The following TANGO2 variants were observed in gnomAD, a reference collection of about 807,000 sequenced individuals.
TANGO2 encodes transport and Golgi organization protein 2 homolog.
In TANGO2, 26 loss-of-function variants were observed where a neutral mutation model predicts 39.1. That is an observed-to-expected ratio of 0.67 (90% confidence interval 0.49 to 0.92). The LOEUF is 0.92. TANGO2 is among the 40% of genes least tolerant of loss of function. The pLI, the probability that TANGO2 is intolerant of heterozygous loss-of-function variation, is 0.00. For missense variants in TANGO2, 326 were observed against 360.1 expected, an observed-to-expected ratio of 0.91 and a Z score of 0.77; for synonymous variants, 131 against 144.5, an observed-to-expected ratio of 0.91 and a Z score of 0.67.
At chr22:20,036,424 G>A (rs914898462) in intron 1 of TANGO2, among the ~76,000 whole-genome samples, 1 of 152,164 alleles carries the variant, frequency 6.6e-6, no homozygotes, top group East Asian at 1.9e-4. Flanking sequence ...TCACAGTGTG[G>A]CTCCTGCCCT....
At chr22:20,063,037 T>C (rs557528162) in intron 7 of TANGO2, 95 of 344,504 alleles carry the variant, frequency 2.8e-4, no homozygotes, top group African/African-American at 1.2e-3. Context: ...CTAGCTACAA[T>C]GGCTGGCTTG....
chr22:20,039,330 C>G (rs2043457959), intron 2 of TANGO2, among the ~76,000 whole-genome samples: 1 of 151,858 alleles, frequency 6.6e-6, no homozygotes, highest in African/African-American at 2.4e-5. Context: ...CTATCTCTTT[C>G]AAAACTGCCT....
intron 3 of TANGO2, among the ~76,000 whole-genome samples, chr22:20,044,782 G>A (rs1311759449): frequency 6.6e-6 from 1 of 152,176 alleles, no homozygotes; most frequent in Non-Finnish European, 1.5e-5. Flanking sequence ...CTTGGAAGGT[G>A]GAAGGTTTTC....
In TANGO2 at chr22:20,024,462, A is replaced by G. The variant is rs574091849; in HGVS notation, c.-40+3216A>G. Reference sequence around the variant, plus strand: ...TCTGTGTCTGCCTTTGAAAAGAGCAACTCGTGCTTTCAAGCTCTGCCCCTG... The same window carrying G: ...TCTGTGTCTGCCTTTGAAAAGAGCAGCTCGTGCTTTCAAGCTCTGCCCCTG... On this transcript the variant is annotated intron_variant, in intron 1 of 8. Coordinates refer to ENST00000327374, the MANE Select transcript of TANGO2 (RefSeq NM_152906.7). 3.9e-5 allele frequency among the ~76,000 whole-genome samples: 6 copies of G among 152,110 alleles called. No individual in the cohort carries two copies. The East Asian group carries it at 9.7e-4, about 25-fold the overall frequency.
chr22:20,056,790 T>A, intron 6 of TANGO2: 3 of 456,668 alleles, frequency 6.6e-6, no homozygotes, highest in Non-Finnish European at 1.3e-5. Context: ...GACCATAGCC[T>A]AGGTTCCGGG....
Position 20,051,259 on chromosome 22 carries a change from C to T in TANGO2, c.146-1206C>T, listed in dbSNP as rs528413212. ...AAAAATAATATCTTAGGGCCAGGCACGGTGGCTCACACCTGTAATCCCAGC... is the reference window on the plus strand; with the variant it reads ...AAAAATAATATCTTAGGGCCAGGCATGGTGGCTCACACCTGTAATCCCAGC... On this transcript the variant is annotated intron_variant, in intron 3 of 8. Coordinates refer to ENST00000327374, the MANE Select transcript of TANGO2 (RefSeq NM_152906.7). 1.8e-4 allele frequency among the ~76,000 whole-genome samples: 28 copies of T among 151,798 alleles called. No homozygotes were observed. In the East Asian group the frequency reaches 5.1e-3, roughly 27 times the overall value.
intron 6 of TANGO2, among the ~76,000 whole-genome samples, chr22:20,059,789 T>G (rs759149602): frequency 1.3e-5 from 2 of 152,212 alleles, no homozygotes; most frequent in Non-Finnish European, 2.9e-5. Context: ...CTTAAAATTT[T>G]TAAGTCCTAT....
At chr22:20,027,384 G>A (rs778953647) in intron 1 of TANGO2, among the ~76,000 whole-genome samples, 13 of 152,198 alleles carry the variant, frequency 8.5e-5, no homozygotes, top group Non-Finnish European at 1.6e-4. Context: ...TTGATGGGAC[G>A]AAGACACCAG....
intron 7 of TANGO2, 99 bp downstream of exon 7, chr22:20,061,782 C>G (rs2048437041): frequency 5.0e-6 from 7 of 1,400,394 alleles, no homozygotes; most frequent in Non-Finnish European, 5.7e-6. Flanking sequence ...TGGAAGTGGC[C>G]AGGCTGGGTC....
chr22:20,028,497 T>C (rs12483855), intron 1 of TANGO2, among the ~76,000 whole-genome samples: 59,771 of 152,128 alleles, frequency 0.39, 13,792 homozygotes, highest in Non-Finnish European at 0.51. Context: ...TTAACAACTA[T>C]GGGTCCCACC....
chr22:20,061,890 T>TGGGCCC (rs2048454329), intron 7 of TANGO2: 1 of 659,386 alleles, frequency 1.5e-6, no homozygotes, highest in Non-Finnish European at 2.4e-6. Flanking sequence ...TGACAGAAGA[T>TGGGCCC]GGGCCCAGGC....
At chr22:20,041,792 C>G (rs2043996569) in intron 2 of TANGO2, among the ~76,000 whole-genome samples, 1 of 152,206 alleles carries the variant, frequency 6.6e-6, no homozygotes, top group Non-Finnish European at 1.5e-5. Flanking sequence ...TGTTATTTCA[C>G]ATTTAATCAG....
intron 6 of TANGO2, among the ~76,000 whole-genome samples, chr22:20,060,465 A>G (rs1178384315): frequency 2.0e-5 from 3 of 151,386 alleles, no homozygotes; most frequent in Middle Eastern, 3.4e-3. Flanking sequence ...CTATTTTGCT[A>G]TTTTGCCGAG....
chr22:20,052,128 G>A (rs915777531), intron 3 of TANGO2, among the ~76,000 whole-genome samples: 1 of 152,230 alleles, frequency 6.6e-6, no homozygotes, highest in Non-Finnish European at 1.5e-5. Flanking sequence ...CCCCATTCAT[G>A]CGATTGGAGC....
intron 1 of TANGO2, among the ~76,000 whole-genome samples, chr22:20,029,092 T>C (rs569311348): frequency 3.5e-4 from 53 of 152,390 alleles, no homozygotes; most frequent in African/African-American, 1.2e-3. Flanking sequence ...GGTTTTCTTG[T>C]CGTGCCTTTT....
rs371082851 is a variant in TANGO2, at chr22:20,037,064, G to A, written c.56+210G>A. On this transcript the variant is annotated intron_variant, in intron 2 of 8. Transcript: ENST00000327374. ...GGGACTCCAGTCAATGTACAAAGACGTGAAGACTCAGCCACAGAAGGCAGC... is the reference window on the plus strand; with the variant it reads ...GGGACTCCAGTCAATGTACAAAGACATGAAGACTCAGCCACAGAAGGCAGC... 80 of 1,536,464 alleles carry A rather than the reference G, an allele frequency of 5.2e-5. No individual in the cohort carries two copies. In the African/African-American group the frequency reaches 8.0e-4, roughly 15 times the overall value.
rs1491540119 is a variant in TANGO2 at position 20,050,357 on chromosome 22, G to GTTTT, written c.146-2108_146-2107insTTTT. On this transcript the variant is annotated intron_variant, in intron 3 of 8. Coordinates refer to ENST00000327374, the MANE Select transcript of TANGO2 (RefSeq NM_152906.7). ...ATTTTTCATTAAATATTTTCCTGGT[G>GTTTT]GTTTTTTTTTTTTTTTTTTTTTTTG... 5.0e-3 allele frequency among the ~76,000 whole-genome samples: 344 copies of GTTTT among 69,204 alleles called. 36 individuals carry two copies. Among genetic ancestry groups the GTTTT allele is most frequent in the Middle Eastern group, 0.011 (1 of 90 alleles). The allele number at this position is 69,204 out of a possible 152,430, so 45.4% of individuals were successfully genotyped here.
At chr22:20,043,679 T>G (rs887232062) in intron 3 of TANGO2, among the ~76,000 whole-genome samples, 2 of 152,164 alleles carry the variant, frequency 1.3e-5, no homozygotes, top group African/African-American at 4.8e-5. Context: ...GGCCCCATCA[T>G]GTGAAAGCAT....
At chr22:20,053,294 C>G (rs2046738045) in intron 4 of TANGO2, 143 bp from the exon 5 acceptor site, 2 of 620,194 alleles carry the variant, frequency 3.2e-6, no homozygotes. Context: ...GTGTGGCTGA[C>G]TCTTGCGGCA....
Sources: gnomAD v4.1 joint callset for allele counts (sites outside exome capture counted in the v4.1 genomes callset) on GRCh38, gnomAD v4.1.1 for gene constraint, MANE v1.5 for transcripts, NCBI Gene and HGNC (gene_info 2026-07-23, HGNC 2026-07-21) for gene names.